The following BCO2 variants were observed in gnomAD, a reference collection of about 807,000 sequenced individuals.
BCO2 encodes carotenoid-cleaving dioxygenase, mitochondrial.
In BCO2, 56 loss-of-function variants were observed where a neutral mutation model predicts 65.8. That is an observed-to-expected ratio of 0.85 (90% CI 0.69 to 1.06). BCO2 has a LOEUF of 1.06. BCO2 is among the 50% of genes least tolerant of loss of function. BCO2 has a pLI of 0.00. For missense variants in BCO2, 675 were observed against 698.5 expected (o/e 0.97, Z 0.38); for synonymous variants, 233 against 242.3 (o/e 0.96, Z 0.36).
intron 9 of BCO2, among the ~76,000 whole-genome samples, chr11:112,214,223 T>C (rs1859592960): frequency 6.6e-6 from 1 of 152,300 alleles, no homozygotes; most frequent in East Asian, 1.9e-4. Context: ...CTCGGCTCAC[T>C]GCAGCCTCTG....
At chr11:112,176,287 A>C (rs1231996626) in intron 1 of BCO2, 2 of 152,686 alleles carry the variant, frequency 1.3e-5, no homozygotes, top group Non-Finnish European at 2.9e-5. Flanking sequence ...GTACTCAAGG[A>C]GTACTGGTAG....
Position 112,184,488 on chromosome 11 carries a change from C to T in BCO2, c.293+5006C>T, listed in dbSNP as rs528057950. Among the ~76,000 whole-genome samples, 9 of 152,106 alleles carry T rather than the reference C, an allele frequency of 5.9e-5. 1 individual carries two copies. In the East Asian group the frequency reaches 7.7e-4, roughly 13 times the overall value. ...CAGGATGGTCTCGATCTCCTGACCTCGTGATCAGCCTGTCTTGGCCTCCCA... is the reference window on the plus strand; with the variant it reads ...CAGGATGGTCTCGATCTCCTGACCTTGTGATCAGCCTGTCTTGGCCTCCCA... On this transcript the variant is annotated intron_variant, in intron 2 of 11. Transcript: ENST00000357685.
intron 1 of BCO2, 139 bp from the exon 2 acceptor site, chr11:112,179,135 GAAGA>G (rs45524838): frequency 0.37 from 257,164 of 693,546 alleles, 48,985 homozygotes; most frequent in South Asian, 0.56. Flanking sequence ...GAAGGAGAGA[GAAGA>G]AATTTGGAGC....
intron 6 of BCO2, among the ~76,000 whole-genome samples, chr11:112,200,068 A>T (rs1867688007): frequency 6.6e-6 from 1 of 152,178 alleles, no homozygotes; most frequent in African/African-American, 2.4e-5. Context: ...TAAAAAATTA[A>T]TTGATATAAT....
At chr11:112,213,412 G>A (rs2135396056) in intron 8 of BCO2, among the ~76,000 whole-genome samples, 1 of 151,624 alleles carries the variant, frequency 6.6e-6, no homozygotes, top group East Asian at 1.9e-4. Context: ...CAAAGTGCTG[G>A]GATTACAGGA....
chr11:112,199,860 C>T, intron 6 of BCO2, 33 bp downstream of exon 6: 1 of 1,610,020 alleles, frequency 6.2e-7, no homozygotes, highest in Non-Finnish European at 8.5e-7. Flanking sequence ...TTTCAGTGGG[C>T]TCTGCCTTGA....
rs766061956 is a variant in BCO2, at chr11:112,193,482, A to T, written c.302A>T (p.His101Leu). 9 of 1,613,834 alleles carry T rather than the reference A, an allele frequency of 5.6e-6. No homozygotes were observed. In the African/African-American group the frequency reaches 8.0e-5, roughly 14 times the overall value. Reference sequence around the variant, plus strand: ...TTTTCTCCTGTTTGAAGGTACAATCATTGGTTTGATGGGATGGCGCTGCTT... The same window carrying T: ...TTTTCTCCTGTTTGAAGGTACAATCTTTGGTTTGATGGGATGGCGCTGCTT... The part of the protein sequence containing the change: ...KFEFGKDKYN[H>L]WFDGMALLHQ... The change falls in exon 3 of 12, where the codon CAT (histidine) becomes CTT (leucine). Residue 101 changes from histidine (H) to leucine (L), a missense_variant. Physicochemically the swap from His to Leu is moderately conservative, Grantham distance 99 (BLOSUM62 -3). Coordinates refer to ENST00000357685, the MANE Select transcript of BCO2 (RefSeq NM_031938.7).
At chr11:112,180,046 AC>A (rs1866991470) in intron 2 of BCO2, among the ~76,000 whole-genome samples, 1 of 151,906 alleles carries the variant, frequency 6.6e-6, no homozygotes, top group Non-Finnish European at 1.5e-5. Context: ...TGGTTAGAGG[AC>A]CCCCTAAACA....
intron 9 of BCO2, 58 bp downstream of exon 9, chr11:112,213,919 C>T (rs1027958305): frequency 9.2e-6 from 9 of 980,584 alleles, no homozygotes; most frequent in Non-Finnish European, 1.3e-5. Context: ...TTACTTTATT[C>T]TTTAGCTGTT....
chr11:112,188,388 G>T (rs1194832459), intron 2 of BCO2, among the ~76,000 whole-genome samples: 1 of 152,144 alleles, frequency 6.6e-6, no homozygotes, highest in Non-Finnish European at 1.5e-5. Context: ...TGGGCTCCTC[G>T]TTGGCTTCTT....
intron 2 of BCO2, among the ~76,000 whole-genome samples, chr11:112,185,987 C>T (rs551548799): frequency 7.9e-5 from 12 of 152,292 alleles, no homozygotes; most frequent in Non-Finnish European, 1.6e-4. Flanking sequence ...TCATCATGCC[C>T]TTTCCTCTGG....
chr11:112,204,035 G>T (rs1165139778), intron 8 of BCO2, among the ~76,000 whole-genome samples: 2 of 152,052 alleles, frequency 1.3e-5, no homozygotes, highest in Non-Finnish European at 2.9e-5. Context: ...TGTATTTTTA[G>T]TAGAGACCAG....
At chr11:112,194,428 A>T in intron 4 of BCO2, 1 of 472,270 alleles carries the variant, frequency 2.1e-6, no homozygotes, top group Non-Finnish European at 3.7e-6. Flanking sequence ...AAATTTATTC[A>T]GGGTGGTTTT....
In BCO2 at chr11:112,181,783, G is replaced by C. The variant is rs138223383; in HGVS notation, c.293+2301G>C. ...GCCGATCTTTCTTGTTTGGACCTTCGATACATTCACTTCAAAATGGCCAGT... is the reference window on the plus strand; with the variant it reads ...GCCGATCTTTCTTGTTTGGACCTTCCATACATTCACTTCAAAATGGCCAGT... On this transcript the variant is annotated intron_variant, in intron 2 of 11. Coordinates refer to ENST00000357685, the MANE Select transcript of BCO2 (RefSeq NM_031938.7). 8,207 of 836,866 alleles carry C rather than the reference G, an allele frequency of 9.8e-3. 58 individuals are homozygous for C. Among genetic ancestry groups the C allele is most frequent in the Non-Finnish European group, 0.011 (5,155 of 475,626 alleles). 51.8% of individuals were successfully genotyped at this position (836,866 alleles called of 1,614,324 possible).
At chr11:112,177,415 C>A (rs1866914445) in intron 1 of BCO2, among the ~76,000 whole-genome samples, 1 of 152,154 alleles carries the variant, frequency 6.6e-6, no homozygotes, top group South Asian at 2.1e-4. Flanking sequence ...GCAAGTAGTC[C>A]TCATACCAGA....
intron 2 of BCO2, among the ~76,000 whole-genome samples, chr11:112,182,622 GT>G (rs1305719402): frequency 6.6e-6 from 1 of 151,508 alleles, no homozygotes; most frequent in Non-Finnish European, 1.5e-5. Context: ...AATACCGCAT[GT>G]TCTCACTCAT....
At position 112,200,630 on chromosome 11, in the gene BCO2, A is replaced by G. The variant is rs771153659; in HGVS notation, c.883A>G (p.Ile295Val). 1 of 1,608,966 alleles carries G rather than the reference A, an allele frequency of 6.2e-7. No individual in the cohort carries two copies. Among genetic ancestry groups the G allele is most frequent in the Non-Finnish European group, 8.5e-7 (1 of 1,178,700 alleles). ...YHSFGMTRNY[I>V]IFIEQPLKMN... ...CCTTTTAGGAATGACAAGGAACTAT[A>G]TAATTTTCATTGAACAACCTCTAAA... is the stretch of plus-strand genomic sequence containing the variant. Residue 295 changes from isoleucine (I) to valine (V), a missense_variant, in exon 7 of 12, where the codon ATA becomes GTA. Transcript: ENST00000357685.
chr11:112,186,158 C>A (rs1368322365), intron 2 of BCO2, among the ~76,000 whole-genome samples: 2 of 152,130 alleles, frequency 1.3e-5, no homozygotes, highest in East Asian at 3.9e-4. Context: ...AATCCAGCTC[C>A]CAGAGAATAA....
At chr11:112,193,181 C>A (rs547533599) in intron 2 of BCO2, among the ~76,000 whole-genome samples, 38 of 151,386 alleles carry the variant, frequency 2.5e-4, no homozygotes, top group Non-Finnish European at 4.1e-4. Flanking sequence ...GATTTCACCA[C>A]GTTAGCCAGG....
Sources: gnomAD v4.1 joint callset for allele counts (sites outside exome capture counted in the v4.1 genomes callset) on GRCh38, gnomAD v4.1.1 for gene constraint, MANE v1.5 for transcripts, NCBI Gene and HGNC (gene_info 2026-07-23, HGNC 2026-07-21) for gene names.